The following COL12A1 variants were observed in gnomAD, a reference collection of about 807,000 sequenced individuals.
COL12A1 encodes collagen alpha-1(XII) chain.
In COL12A1, 114 loss-of-function variants were observed where a neutral mutation model predicts 349.7. That is an observed-to-expected ratio of 0.33 (90% confidence interval 0.28 to 0.38). COL12A1 has a LOEUF of 0.38. Among genes scored for constraint, COL12A1 ranks in the 10% least tolerant of loss-of-function variants. The probability of loss-of-function intolerance (pLI) is 1.00; values close to 1 mark genes in which losing one functional copy is unlikely to be tolerated. For synonymous variants in COL12A1, 1,369 were observed against 1,329.0 expected, an observed-to-expected ratio of 1.03 and a Z score of -0.66; for missense variants, 3,284 against 3,756.9, an observed-to-expected ratio of 0.87 and a Z score of 3.29.
In COL12A1 at chr6:75,185,490, C is replaced by A. The variant is rs117786847; in HGVS notation, c.998-1346G>T. Among the ~76,000 whole-genome samples the A allele has an allele frequency of 8.0e-3, 1,214 of 152,270 alleles. 49 individuals are homozygous for A. In the East Asian group the frequency reaches 0.13, roughly 16 times the overall value. Reference sequence around the variant, plus strand: ...GAAATCAGAGATGACAATGGAAAAACATTTCATGCTCATAGATAGAAAGAA... The same window carrying A: ...GAAATCAGAGATGACAATGGAAAAAAATTTCATGCTCATAGATAGAAAGAA... On this transcript the variant is annotated intron_variant, in intron 8 of 65. Coordinates refer to ENST00000322507, the MANE Select transcript of COL12A1 (RefSeq NM_004370.6).
chr6:75,098,951 C>T (rs182144033), intron 58 of COL12A1, among the ~76,000 whole-genome samples: 4 of 152,284 alleles, frequency 2.6e-5, no homozygotes, highest in East Asian at 1.9e-4. Context: ...AGCATTCACT[C>T]GCAACAGCAG....
intron 13 of COL12A1, among the ~76,000 whole-genome samples, chr6:75,171,676 A>C (rs1359284739): frequency 1.3e-5 from 2 of 152,206 alleles, no homozygotes; most frequent in East Asian, 3.8e-4. Context: ...AGCAGCCCTC[A>C]AAAGCAGTTG....
At chr6:75,151,424 C>G in intron 20 of COL12A1, 137 bp from the exon 21 acceptor site, 2 of 674,818 alleles carry the variant, frequency 3.0e-6, no homozygotes, top group South Asian at 4.5e-5. Flanking sequence ...TTAACTAAAA[C>G]ATACATATTA....
intron 23 of COL12A1, among the ~76,000 whole-genome samples, chr6:75,146,753 A>G (rs923331998): frequency 3.9e-5 from 6 of 152,220 alleles, no homozygotes; most frequent in African/African-American, 1.4e-4. Context: ...CAATCTCCCT[A>G]TAACACCCAT....
rs759599682 is a variant in COL12A1 at position 75,113,600 on chromosome 6, A to G, written c.7840+2T>C. The G allele has an allele frequency of 6.2e-7, 1 of 1,600,834 alleles. No homozygotes were observed. The highest frequency in any genetic ancestry group is 8.5e-7 in the Non-Finnish European group (1 of 1,172,498). ...CATGTGCCTTAAGATAAAAATTCTT[A>G]CGATCTGCAATCACTCCAACTTGTG... On this transcript the variant is annotated splice_donor_variant, in intron 50 of 65. Coordinates refer to ENST00000322507, the MANE Select transcript of COL12A1 (RefSeq NM_004370.6). LOFTEE classifies it high-confidence loss of function.
intron 59 of COL12A1, among the ~76,000 whole-genome samples, chr6:75,095,392 T>C (rs895783351): frequency 6.7e-6 from 1 of 148,486 alleles, no homozygotes; most frequent in East Asian, 2.0e-4. Flanking sequence ...CCGAGGCGGG[T>C]GGATCATGAG....
chr6:75,104,966 G>C (rs995690013), intron 54 of COL12A1, among the ~76,000 whole-genome samples: 2 of 152,116 alleles, frequency 1.3e-5, no homozygotes, highest in Non-Finnish European at 2.9e-5. Flanking sequence ...CTAAAGACTA[G>C]CCAATATTAT....
chr6:75,205,755 AG>A, intron 1 of COL12A1, 21 bp downstream of exon 1: 1 of 154,798 alleles, frequency 6.5e-6, no homozygotes, highest in Non-Finnish European at 1.4e-5. Context: ...GGTAGGGGAA[AG>A]GGGACAGAAA....
intron 40 of COL12A1, 68 bp from the exon 41 acceptor site, chr6:75,124,439 C>A: frequency 8.6e-7 from 1 of 1,168,028 alleles, no homozygotes; most frequent in Non-Finnish European, 1.2e-6. Flanking sequence ...TTAATCATAA[C>A]ACAATTTTCA....
Position 75,095,151 on chromosome 6 carries a change from C to G in COL12A1, c.8606G>C (p.Gly2869Ala), listed in dbSNP as rs1437068685. ...AGGTTTTCCTGGCTTCCCACTTGGTCCTGTGACTCCTGGGGAGCCTGGGCT... is the reference window on the plus strand; with the variant it reads ...AGGTTTTCCTGGCTTCCCACTTGGTGCTGTGACTCCTGGGGAGCCTGGGCT... The part of the protein sequence containing the change: ...PGSPGSPGVT[G>A]PSGKPGKPGD... Residue 2869 changes from glycine (G) to alanine (A), a missense_variant, in exon 60 of 66, where the codon GGA becomes GCA. Gly to Ala is a moderately conservative substitution (Grantham distance 60). Transcript: ENST00000322507. 2 of 1,613,956 alleles carry G rather than the reference C, an allele frequency of 1.2e-6. No individual in the cohort carries two copies. The highest frequency in any genetic ancestry group is 1.7e-6 in the Non-Finnish European group (2 of 1,180,006).
At chr6:75,139,595 A>AACAT (rs1766793516) in intron 27 of COL12A1, among the ~76,000 whole-genome samples, 1 of 152,252 alleles carries the variant, frequency 6.6e-6, no homozygotes, top group Non-Finnish European at 1.5e-5. Context: ...AATTGATTAG[A>AACAT]ACATACATAC....
intron 13 of COL12A1, among the ~76,000 whole-genome samples, chr6:75,169,449 C>A (rs544826750): frequency 6.6e-6 from 1 of 152,252 alleles, no homozygotes; most frequent in East Asian, 1.9e-4. Flanking sequence ...CAGAAAGCAA[C>A]CCTAGTAGAC....
chr6:75,198,013 G>T (rs532224332), intron 2 of COL12A1, among the ~76,000 whole-genome samples: 1 of 152,156 alleles, frequency 6.6e-6, no homozygotes, highest in East Asian at 1.9e-4. Flanking sequence ...CCAATGATGG[G>T]CCTTATTATC....
chr6:75,155,813 G>A lies in COL12A1; in HGVS notation c.3292C>T (p.Pro1098Ser), dbSNP rs759702498. 1.2e-6 allele frequency: 2 copies of A among 1,611,550 alleles called. No homozygotes were observed. Among genetic ancestry groups the A allele is most frequent in the East Asian group, 2.2e-5 (1 of 44,802 alleles). ...GTCACTCGGAAGCTTGACATGGTTG[G>A]GTCAGATGTTTTGAGGTTTCTAGGA... ...KSPRNLKTSDPTMSSFRVTWE... is the reference protein window; with the variant it reads ...KSPRNLKTSDSTMSSFRVTWE... The change falls in exon 16 of 66, where the codon CCA becomes TCA. Residue 1098 changes from proline to serine, a missense_variant. Coordinates refer to ENST00000322507, the MANE Select transcript of COL12A1 (RefSeq NM_004370.6).
Position 75,117,511 on chromosome 6 carries a change from C to T in COL12A1, c.7390G>A (p.Asp2464Asn), listed in dbSNP as rs773458581. 6 of 1,613,492 alleles carry T rather than the reference C, an allele frequency of 3.7e-6. No homozygotes were observed. The highest frequency in any genetic ancestry group is 4.2e-6 in the Non-Finnish European group (5 of 1,179,584). ...SVFVVGVADVDYNELANIASK... is the reference protein window; with the variant it reads ...SVFVVGVADVNYNELANIASK... ...GCAATGTTGGCAAGCTCATTGTAGT[C>T]GACATCAGCCACACCAACTACAAAG... Residue 2464 changes from aspartate to asparagine, a missense_variant, in exon 47 of 66, where the codon GAC becomes AAC. Asp to Asn is a conservative substitution (Grantham distance 23, BLOSUM62 1). Around this residue, in one of 2 missense-constraint regions of COL12A1, gnomAD observed 683 missense variants for 932.1 expected, o/e 0.73. Transcript: ENST00000322507.
At chr6:75,102,479 T>A (rs1582050552) in intron 56 of COL12A1, 118 bp downstream of exon 56, 1 of 682,618 alleles carries the variant, frequency 1.5e-6, no homozygotes, top group South Asian at 4.2e-5. Context: ...GCTATCTCGG[T>A]GACTAACCTC....
chr6:75,202,657 A>T (rs1054664283), intron 2 of COL12A1, 63 bp downstream of exon 2: 1 of 1,446,150 alleles, frequency 6.9e-7, no homozygotes, highest in Non-Finnish European at 9.5e-7. Context: ...AGCAAGAAAG[A>T]TGTGTTTTTT....
intron 7 of COL12A1, among the ~76,000 whole-genome samples, chr6:75,188,779 C>T (rs914566145): frequency 6.6e-6 from 1 of 152,146 alleles, no homozygotes; most frequent in African/African-American, 2.4e-5. Context: ...ACAGAGTGGG[C>T]TTTCATCCCA....
chr6:75,178,073 TG>T, intron 11 of COL12A1, 138 bp from the exon 12 acceptor site: 1 of 779,958 alleles, frequency 1.3e-6, no homozygotes, highest in Non-Finnish European at 2.0e-6. Context: ...GCAAACATCC[TG>T]GTTTCTGTAC....
Sources: allele counts gnomAD v4.1 joint callset (sites outside exome capture counted in the v4.1 genomes callset), GRCh38; gene constraint gnomAD v4.1.1; regional missense constraint gnomAD v4.1.1; transcripts MANE v1.5; gene names NCBI Gene and HGNC (gene_info 2026-07-23, HGNC 2026-07-21).